Variants in SLC45A4 observed in about 807,000 individuals in gnomAD.
SLC45A4 encodes polyamine-transporter SLC45A4.
Under a neutral mutation model 63.7 loss-of-function variants are expected in SLC45A4, and 32 were observed. That is an observed-to-expected ratio of 0.50 (90% CI 0.38 to 0.67). The LOEUF (loss-of-function observed/expected upper bound fraction) is 0.67. Among genes scored for constraint, SLC45A4 ranks in the 30% least tolerant of loss-of-function variants. SLC45A4 has a pLI of 0.00. For synonymous variants in SLC45A4, 535 were observed against 510.0 expected, an observed-to-expected ratio of 1.05 and a Z score of -0.66; for missense variants, 1,027 against 1,157.7, an observed-to-expected ratio of 0.89 and a Z score of 1.64.
At chr8:141,252,812 C>T (rs908131354) in intron 2 of SLC45A4, among the ~76,000 whole-genome samples, 10 of 151,496 alleles carry the variant, frequency 6.6e-5, no homozygotes, top group Non-Finnish European at 1.2e-4. Context: ...TGTTTTCACG[C>T]CCACCTGCGT....
At chr8:141,217,020 C>T in intron 6 of SLC45A4, 70 bp downstream of exon 6, 2 of 1,501,660 alleles carry the variant, frequency 1.3e-6, no homozygotes, top group South Asian at 2.3e-5. Flanking sequence ...GTGCAGGATT[C>T]TCTCGTCTGC....
intron 1 of SLC45A4, among the ~76,000 whole-genome samples, chr8:141,294,321 T>C (rs553199149): frequency 2.0e-5 from 3 of 152,306 alleles, no homozygotes; most frequent in South Asian, 2.1e-4. Flanking sequence ...ACAAGCCGCA[T>C]CGGGAGGGAC....
chr8:141,267,508 CTG>C (rs1829320653), intron 1 of SLC45A4, among the ~76,000 whole-genome samples: 1 of 152,246 alleles, frequency 6.6e-6, no homozygotes, highest in African/African-American at 2.4e-5. Flanking sequence ...AGGCTTTACA[CTG>C]TGTGAGATGG....
At chr8:141,258,885 CTT>C (rs71504830) in intron 1 of SLC45A4, among the ~76,000 whole-genome samples, 30 of 119,534 alleles carry the variant, frequency 2.5e-4, no homozygotes, top group Non-Finnish European at 3.6e-4. Flanking sequence ...AGTGAGACCT[CTT>C]TTTTTTAAAA....
At position 141,218,049 on chromosome 8, in the gene SLC45A4, C is replaced by T; in HGVS notation, c.1591G>A (p.Asp531Asn). 5 of 1,611,798 alleles carry T rather than the reference C, an allele frequency of 3.1e-6. No individual in the cohort carries two copies. Among genetic ancestry groups the T allele is most frequent in the Admixed American group, 1.7e-5 (1 of 59,998 alleles). ...SVIAEAVFYT[D>N]FMGQVIFEGD... ...TCGAAGATGACCTGGCCCATGAAGT[C>T]GGTGTAGAACACGGCCTCGGCGATG... The change falls in exon 5 of 9, where the codon GAC becomes AAC. Residue 531 changes from aspartate to asparagine, a missense_variant. By Grantham distance (23) the Asp-to-Asn change is conservative. Transcript: ENST00000517878.
rs1278987646 is a variant in SLC45A4 at position 141,218,426 on chromosome 8, G to C, written c.1214C>G (p.Pro405Arg). Reference sequence around the variant, plus strand: ...CCGCATGGAGCTCGACGTGGCCGAGGGCTTCGTGTCCACCCTGGTGTAGCC... The same window carrying C: ...CCGCATGGAGCTCGACGTGGCCGAGCGCTTCGTGTCCACCCTGGTGTAGCC... ...LGGYTRVDTK[P>R]SATSSSMRRR... The change falls in exon 5 of 9, where the codon CCC becomes CGC. Residue 405 changes from proline (P) to arginine (R), a missense_variant. Transcript: ENST00000517878. 2 of 1,611,618 alleles carry C rather than the reference G, an allele frequency of 1.2e-6. No homozygotes were observed. The highest frequency in any genetic ancestry group is 2.7e-5 in the African/African-American group (2 of 74,936).
chr8:141,286,256 G>T (rs759874657), intron 1 of SLC45A4, among the ~76,000 whole-genome samples: 29 of 152,130 alleles, frequency 1.9e-4, no homozygotes, highest in Admixed American at 1.2e-3. Flanking sequence ...TCCTTCCCTC[G>T]GGAGCTGAGG....
At chr8:141,217,383 G>A (rs1475605510) in intron 5 of SLC45A4, among the ~76,000 whole-genome samples, 194 bp from the exon 6 acceptor site, 1 of 152,254 alleles carries the variant, frequency 6.6e-6, no homozygotes, top group Non-Finnish European at 1.5e-5. Flanking sequence ...GACCACGAAT[G>A]TTCTGTGACG....
intron 1 of SLC45A4, among the ~76,000 whole-genome samples, chr8:141,307,272 G>A (rs1475228087): frequency 6.6e-6 from 1 of 152,230 alleles, no homozygotes; most frequent in Non-Finnish European, 1.5e-5. Context: ...GTGCTGAGAC[G>A]CAGAAGGTGC....
intron 1 of SLC45A4, among the ~76,000 whole-genome samples, chr8:141,272,603 C>G (rs1829583341): frequency 6.6e-6 from 1 of 152,214 alleles, no homozygotes; most frequent in African/African-American, 2.4e-5. Flanking sequence ...TTCCGGAGAG[C>G]CTGCCAGCCC....
chr8:141,258,428 G>A (rs1369545892), intron 1 of SLC45A4, among the ~76,000 whole-genome samples: 1 of 152,248 alleles, frequency 6.6e-6, no homozygotes, highest in African/African-American at 2.4e-5. Context: ...TGTTTGCAAA[G>A]AGCAGGTTGC....
chr8:141,290,121 T>C (rs1830292317), intron 1 of SLC45A4, among the ~76,000 whole-genome samples: 1 of 152,214 alleles, frequency 6.6e-6, no homozygotes, highest in African/African-American at 2.4e-5. Flanking sequence ...TGTCCATATA[T>C]AATATATACA....
chr8:141,220,818 G>A (rs1009557838), intron 3 of SLC45A4, among the ~76,000 whole-genome samples: 3 of 152,256 alleles, frequency 2.0e-5, no homozygotes, highest in African/African-American at 7.2e-5. Flanking sequence ...AAGCCACGTT[G>A]TTCCAGCAGG....
At chr8:141,298,061 G>A (rs892318383) in intron 1 of SLC45A4, among the ~76,000 whole-genome samples, 5 of 150,840 alleles carry the variant, frequency 3.3e-5, no homozygotes, top group African/African-American at 7.3e-5. Context: ...CGGCAAGCCC[G>A]ACTGGCCCAC....
At chr8:141,255,340 A>G (rs1308892077) in intron 1 of SLC45A4, among the ~76,000 whole-genome samples, 1 of 152,184 alleles carries the variant, frequency 6.6e-6, no homozygotes, top group Admixed American at 6.5e-5. Flanking sequence ...CGGCCTCCCA[A>G]AGCACTAGGA....
chr8:141,234,254 T>A (rs951583807), intron 2 of SLC45A4, among the ~76,000 whole-genome samples: 1 of 152,198 alleles, frequency 6.6e-6, no homozygotes, highest in Non-Finnish European at 1.5e-5. Context: ...TGGCCTCCAA[T>A]TCACATTCTT....
rs1487313897 is a variant in SLC45A4, at chr8:141,278,955, C to T, written c.-400-24326G>A. On this transcript the variant is annotated intron_variant, in intron 1 of 8. Transcript: ENST00000517878. The surrounding 1 kb of genome is among the most constrained non-coding windows in gnomAD (Gnocchi z 4.1). ...CTGCTCTGTCCCCTTCAAGGCCAGA[C>T]AAGCAAAGCCCCAGCCCCCACCTTG... is the stretch of plus-strand genomic sequence containing the variant. Among the ~76,000 whole-genome samples, 1 of 152,222 alleles carries T rather than the reference C, an allele frequency of 6.6e-6. No individual in the cohort carries two copies. Among genetic ancestry groups the T allele is most frequent in the African/African-American group, 2.4e-5 (1 of 41,466 alleles).
rs1282586493 is a variant in SLC45A4, at chr8:141,215,504, G to C, written c.1941+255C>G. ...AGGGGACCAAAGGGGCAGGGACAGT[G>C]CTTTTGCCTCCAGAAGCCTCTGGAG... is the stretch of plus-strand genomic sequence containing the variant. On this transcript the variant is annotated intron_variant, in intron 7 of 8. Transcript: ENST00000517878. This position sits in a 1 kb window ranked among gnomAD's most constrained non-coding sequence, Gnocchi z 4.3. Among the ~76,000 whole-genome samples the C allele has an allele frequency of 6.6e-6, 1 of 152,054 alleles. No homozygotes were observed. The highest frequency in any genetic ancestry group is 1.9e-4 in the East Asian group (1 of 5,166).
intron 1 of SLC45A4, among the ~76,000 whole-genome samples, chr8:141,298,258 A>G (rs1830631241): frequency 6.6e-6 from 1 of 152,268 alleles, no homozygotes; most frequent in Non-Finnish European, 1.5e-5. Context: ...AAACAACCAC[A>G]GTAAGAAGTT....
Sources: allele counts gnomAD v4.1 joint callset (sites outside exome capture counted in the v4.1 genomes callset), GRCh38; gene constraint gnomAD v4.1.1; non-coding constraint Gnocchi (gnomAD v3.1); transcripts MANE v1.5; gene names NCBI Gene and HGNC (gene_info 2026-07-23, HGNC 2026-07-21).